The following UNC5D variants were observed in gnomAD, a reference collection of about 807,000 sequenced individuals.
The protein encoded by UNC5D is netrin receptor UNC5D.
Under a neutral mutation model 105.4 loss-of-function variants are expected in UNC5D, and 39 were observed. The ratio of observed to expected loss-of-function variants is 0.37; its 90% CI spans 0.29 to 0.48. The LOEUF is 0.48. Ranked by LOEUF, UNC5D falls within the 20% of genes least tolerant of loss-of-function variation. The pLI is 0.98. For missense variants in UNC5D, 991 were observed against 1,202.4 expected (o/e 0.82, Z 2.60); for synonymous variants, 452 against 450.4 (o/e 1.00, Z -0.04).
chr8:35,494,293 T>A (rs1020484546), intron 1 of UNC5D, among the ~76,000 whole-genome samples: 1 of 152,184 alleles, frequency 6.6e-6, no homozygotes, highest in Non-Finnish European at 1.5e-5. Flanking sequence ...TAATCCAAAA[T>A]GTTTCTAAAT....
intron 1 of UNC5D, among the ~76,000 whole-genome samples, chr8:35,515,485 G>A (rs549992065): frequency 6.6e-6 from 1 of 152,264 alleles, no homozygotes; most frequent in East Asian, 1.9e-4. Context: ...AGGAGTTCGA[G>A]ACCAGCCTGG....
At chr8:35,566,780 T>C (rs1411212207) in intron 2 of UNC5D, among the ~76,000 whole-genome samples, 3 of 152,192 alleles carry the variant, frequency 2.0e-5, no homozygotes, top group African/African-American at 7.2e-5. Context: ...TTAGATGGAA[T>C]TCAATAAGCA....
At chr8:35,471,900 T>C (rs1371838722) in intron 1 of UNC5D, among the ~76,000 whole-genome samples, 1 of 152,220 alleles carries the variant, frequency 6.6e-6, no homozygotes, top group Non-Finnish European at 1.5e-5. Flanking sequence ...TGTGGTTTAT[T>C]GCCAACCATG....
chr8:35,462,708 A>T (rs1412409256), intron 1 of UNC5D, among the ~76,000 whole-genome samples: 4 of 152,232 alleles, frequency 2.6e-5, no homozygotes, highest in Admixed American at 1.3e-4. Context: ...AAGTCATATC[A>T]AGGAAAATGG....
intron 1 of UNC5D, among the ~76,000 whole-genome samples, chr8:35,497,109 G>A (rs1193648237): frequency 2.0e-5 from 3 of 152,118 alleles, no homozygotes; most frequent in Non-Finnish European, 4.4e-5. Flanking sequence ...TTTATGCTAG[G>A]TTTGATGAAG....
At chr8:35,581,079 TCTCA>T (rs780071053) in intron 3 of UNC5D, among the ~76,000 whole-genome samples, 30 of 152,202 alleles carry the variant, frequency 2.0e-4, no homozygotes, top group Non-Finnish European at 4.4e-4. Context: ...GATTCCAGGG[TCTCA>T]CTCAGGACCT....
intron 7 of UNC5D, among the ~76,000 whole-genome samples, chr8:35,697,735 A>C (rs971829409): frequency 1.3e-5 from 2 of 152,166 alleles, no homozygotes; most frequent in African/African-American, 4.8e-5. Flanking sequence ...TAGGTACTGG[A>C]AATAGGTAAA....
chr8:35,446,590 T>C (rs1807810703), intron 1 of UNC5D, among the ~76,000 whole-genome samples: 1 of 152,096 alleles, frequency 6.6e-6, no homozygotes, highest in Admixed American at 6.6e-5. Context: ...AGTAAATATT[T>C]GTTAAATAAA....
chr8:35,761,834 AGATGTAAG>A (rs1801547579), intron 14 of UNC5D, among the ~76,000 whole-genome samples: 3 of 152,160 alleles, frequency 2.0e-5, no homozygotes, highest in African/African-American at 7.2e-5. Flanking sequence ...TCTGGGCATT[AGATGTAAG>A]CACTTAGGGG....
At chr8:35,768,366 G>GTAGGATATT in intron 15 of UNC5D, among the ~76,000 whole-genome samples, 1 of 152,246 alleles carries the variant, frequency 6.6e-6, no homozygotes, top group Admixed American at 6.5e-5. Context: ...GAAACCTGGG[G>GTAGGATATT]TAGGATATTT....
intron 1 of UNC5D, among the ~76,000 whole-genome samples, chr8:35,439,678 G>A (rs1339313099): frequency 6.6e-6 from 1 of 151,972 alleles, no homozygotes; most frequent in Admixed American, 6.6e-5. Flanking sequence ...TTCCCAAGAA[G>A]GGTGTCATCT....
chr8:35,285,183 T>C (rs1806500642), intron 1 of UNC5D, among the ~76,000 whole-genome samples: 1 of 152,200 alleles, frequency 6.6e-6, no homozygotes, highest in African/African-American at 2.4e-5. Context: ...GCTAGGCAGA[T>C]ATGAAACTGC....
At chr8:35,559,565 C>T (rs1187357875) in intron 2 of UNC5D, among the ~76,000 whole-genome samples, 1 of 152,180 alleles carries the variant, frequency 6.6e-6, no homozygotes, top group African/African-American at 2.4e-5. Flanking sequence ...ATAAAAAGCT[C>T]AGGGCCAGGT....
intron 4 of UNC5D, among the ~76,000 whole-genome samples, chr8:35,629,283 C>A (rs969791285): frequency 6.6e-6 from 1 of 152,094 alleles, no homozygotes; most frequent in African/African-American, 2.4e-5. Flanking sequence ...ATTTGCATTT[C>A]TCTGATGATT....
chr8:35,425,076 C>A (rs1011588709), intron 1 of UNC5D, among the ~76,000 whole-genome samples: 1 of 152,008 alleles, frequency 6.6e-6, no homozygotes, highest in African/African-American at 2.4e-5. Flanking sequence ...AGGAGATATA[C>A]CTAATGTTAA....
chr8:35,734,819 G>T (rs187312277), intron 11 of UNC5D, among the ~76,000 whole-genome samples: 31 of 130,658 alleles, frequency 2.4e-4, no homozygotes, highest in African/African-American at 9.9e-4. Flanking sequence ...GTCTCGCTCT[G>T]TTGCTCAGGT....
intron 1 of UNC5D, among the ~76,000 whole-genome samples, chr8:35,517,576 A>G (rs528787320): frequency 6.6e-6 from 1 of 152,348 alleles, no homozygotes; most frequent in South Asian, 2.1e-4. Context: ...CCTCGATGCC[A>G]TGAGCTTGCA....
intron 1 of UNC5D, among the ~76,000 whole-genome samples, chr8:35,301,309 G>A (rs759542336): frequency 1.3e-5 from 2 of 152,176 alleles, no homozygotes; most frequent in African/African-American, 4.8e-5. Flanking sequence ...AATAACAATG[G>A]TATTCCATTA....
chr8:35,726,707 G>A, intron 10 of UNC5D, 178 bp downstream of exon 10: 4 of 947,774 alleles, frequency 4.2e-6, no homozygotes. Context: ...GCTGAGATTA[G>A]ATTTTGCAGT....
Sources: allele counts gnomAD v4.1 joint callset (sites outside exome capture counted in the v4.1 genomes callset), GRCh38; gene constraint gnomAD v4.1.1; transcripts MANE v1.5; gene names NCBI Gene and HGNC (gene_info 2026-07-23, HGNC 2026-07-21).